The following COL27A1 variants were observed in gnomAD, a reference collection of about 807,000 sequenced individuals.
COL27A1 encodes collagen alpha-1(XXVII) chain.
Under a neutral mutation model 251.3 loss-of-function variants are expected in COL27A1, and 106 were observed. The observed-to-expected ratio is 0.42, with a 90% CI of 0.36 to 0.50. COL27A1 has a LOEUF of 0.50. Among genes scored for constraint, COL27A1 ranks in the 20% least tolerant of loss-of-function variants. COL27A1 has a pLI of 0.00. For missense variants in COL27A1, 2,325 were observed against 2,522.8 expected (o/e 0.92, Z 1.68); for synonymous variants, 1,000 against 986.3 (o/e 1.01, Z -0.26).
In COL27A1 at chr9:114,290,153, C is replaced by CCCCCCCCCCCCCCCCCCCCAA; in HGVS notation, c.4260+42_4260+43insCCCCCCCCCCCCCCCCCCCAA. 6.3e-7 allele frequency: 1 copy of CCCCCCCCCCCCCCCCCCCCAA among 1,581,212 alleles called. No individual in the cohort carries two copies. Among genetic ancestry groups the CCCCCCCCCCCCCCCCCCCCAA allele is most frequent in the Non-Finnish European group, 8.7e-7 (1 of 1,154,956 alleles). On this transcript the variant is annotated intron_variant, in intron 46 of 60. Transcript: ENST00000356083. This position sits in a 1 kb window ranked among gnomAD's most constrained non-coding sequence, Gnocchi z 4.6. ...GCTGTTTCCAGCCAACCTCCCTGCC[C>CCCCCCCCCCCCCCCCCCCCAA]GCCCCCCACACCCGCCCTCCTCCCA...
At position 114,300,116 on chromosome 9, in the gene COL27A1, GACCCA is replaced by G; in HGVS notation, c.4633_4637del (p.Pro1545GlyfsTer44). 1 of 1,614,144 alleles carries G rather than the reference GACCCA, an allele frequency of 6.2e-7. No individual in the cohort carries two copies. The highest frequency in any genetic ancestry group is 1.3e-5 in the African/African-American group (1 of 75,058). Reference sequence around the variant, plus strand: ...TTCCCAGGAATGGCAGGTCTCTTCGGACCCAAGGTATGGACTCCCACGGCTCACTG... The same window carrying G: ...TTCCCAGGAATGGCAGGTCTCTTCGGAGGTATGGACTCCCACGGCTCACTG... On this transcript the variant is annotated frameshift_variant and splice_region_variant, in exon 50 of 61. Coordinates refer to ENST00000356083, the MANE Select transcript of COL27A1 (RefSeq NM_032888.4). LOFTEE classifies it high-confidence loss of function.
chr9:114,298,502 T>G (rs551224328), intron 49 of COL27A1, among the ~76,000 whole-genome samples: 39 of 152,228 alleles, frequency 2.6e-4, no homozygotes, highest in Non-Finnish European at 4.7e-4. Context: ...TACATTTATG[T>G]CTGTTGTTTT....
intron 5 of COL27A1, among the ~76,000 whole-genome samples, chr9:114,183,782 C>T (rs1204097052): frequency 6.6e-6 from 1 of 152,070 alleles, no homozygotes; most frequent in Non-Finnish European, 1.5e-5. Context: ...GAGACAGAGC[C>T]AGGGGGAGGC....
chr9:114,170,907 A>C (rs377281544), intron 3 of COL27A1, among the ~76,000 whole-genome samples: 23 of 152,302 alleles, frequency 1.5e-4, no homozygotes, highest in African/African-American at 5.1e-4. Context: ...CAAAAGGGGA[A>C]TTGCCCCCTC....
chr9:114,247,089 C>T (rs1833193471), intron 24 of COL27A1, among the ~76,000 whole-genome samples: 1 of 151,942 alleles, frequency 6.6e-6, no homozygotes, highest in Non-Finnish European at 1.5e-5. Context: ...TTTATAAATG[C>T]ATAAAATTAA....
At chr9:114,268,710 A>G (rs985179672) in intron 34 of COL27A1, 1 of 152,278 alleles carries the variant, frequency 6.6e-6, no homozygotes, top group African/African-American at 2.4e-5. Flanking sequence ...CTTGAAAGTC[A>G]GATATGTTAA....
At chr9:114,193,751 T>C (rs1259854992) in intron 5 of COL27A1, among the ~76,000 whole-genome samples, 1 of 151,978 alleles carries the variant, frequency 6.6e-6, no homozygotes, top group African/African-American at 2.4e-5. Context: ...TAGAGACCCA[T>C]GAAATGGATA....
chr9:114,240,573 C>A, intron 21 of COL27A1, 86 bp downstream of exon 21: 4 of 1,341,486 alleles, frequency 3.0e-6, no homozygotes, highest in Admixed American at 2.0e-5. Flanking sequence ...AAGGCCTTAG[C>A]TTGGGCTGGA....
chr9:114,199,317 G>A (rs1564458714), intron 7 of COL27A1, among the ~76,000 whole-genome samples: 4 of 152,096 alleles, frequency 2.6e-5, no homozygotes. Context: ...ATTCTGCAGT[G>A]CACGAGATAG....
chr9:114,225,356 C>T (rs1385657939), intron 14 of COL27A1, among the ~76,000 whole-genome samples: 2 of 152,230 alleles, frequency 1.3e-5, no homozygotes, highest in Non-Finnish European at 2.9e-5. Flanking sequence ...ATTTGTTCTG[C>T]CTTGTGGTTC....
rs199949011 is a variant in COL27A1 at position 114,210,939 on chromosome 9, G to A, written c.2323-43G>A. The stretch of plus-strand genomic sequence containing the variant: ...GTTTGGGGCAAGCCTGGCTGTCCCT[G>A]CTGGCATCCTGCCCTGACCTCTCCC... On this transcript the variant is annotated intron_variant, in intron 11 of 60. Coordinates refer to ENST00000356083, the MANE Select transcript of COL27A1 (RefSeq NM_032888.4). The A allele has an allele frequency of 1.1e-5, 17 of 1,610,502 alleles. No individual in the cohort carries two copies. The East Asian group carries it at 3.6e-4, about 34-fold the overall frequency.
chr9:114,257,898 G>C (rs1834042051), intron 27 of COL27A1, among the ~76,000 whole-genome samples: 1 of 152,170 alleles, frequency 6.6e-6, no homozygotes. Flanking sequence ...GAGACCTTTT[G>C]TCATACATGT....
chr9:114,209,522 A>T, intron 10 of COL27A1, 153 bp from the exon 11 acceptor site: 1 of 793,110 alleles, frequency 1.3e-6, no homozygotes. Context: ...CTCAAGGCCT[A>T]TGTCATCGAG....
chr9:114,282,294 A>G lies in COL27A1; in HGVS notation c.3735A>G (p.Ser1245=), dbSNP rs908170703. The part of the protein sequence containing the change: ...VTGVRGPEGK[S]GKQGEKGRTG... ...CTCTTCAGGGTCCTGAAGGAAAATC[A>G]GGGAAGCAAGGCGAGAAGGGCCGCA... Residue 1245 remains serine, a synonymous_variant, in exon 38 of 61, where the codon TCA becomes TCG. Transcript: ENST00000356083. 2.5e-6 allele frequency: 4 copies of G among 1,613,902 alleles called. No homozygotes were observed. Among genetic ancestry groups the G allele is most frequent in the Non-Finnish European group, 8.5e-7 (1 of 1,179,954 alleles).
At position 114,304,687 on chromosome 9, in the gene COL27A1, C is replaced by A; in HGVS notation, c.4938+14C>A. Reference sequence around the variant, plus strand: ...CTCAGGCCAGAGGTATCTCCAGGGGCTCTCCCCATGTGGGATCCCTTCCTG... The same window carrying A: ...CTCAGGCCAGAGGTATCTCCAGGGGATCTCCCCATGTGGGATCCCTTCCTG... On this transcript the variant is annotated intron_variant, in intron 57 of 60. Coordinates refer to ENST00000356083, the MANE Select transcript of COL27A1 (RefSeq NM_032888.4). 6.2e-7 allele frequency: 1 copy of A among 1,611,986 alleles called. No homozygotes were observed. The highest frequency in any genetic ancestry group is 8.5e-7 in the Non-Finnish European group (1 of 1,178,124).
chr9:114,185,814 A>G (rs1346141152), intron 5 of COL27A1, among the ~76,000 whole-genome samples: 2 of 152,246 alleles, frequency 1.3e-5, no homozygotes, highest in Non-Finnish European at 2.9e-5. Flanking sequence ...CCCTGGGGGC[A>G]CGGAACTGGA....
At chr9:114,228,213 C>A (rs1831646759) in intron 14 of COL27A1, among the ~76,000 whole-genome samples, 1 of 152,310 alleles carries the variant, frequency 6.6e-6, no homozygotes, top group Non-Finnish European at 1.5e-5. Context: ...GACCATCCTG[C>A]CTGCACTGAA....
At chr9:114,174,843 C>A (rs1827281205) in intron 3 of COL27A1, among the ~76,000 whole-genome samples, 1 of 152,178 alleles carries the variant, frequency 6.6e-6, no homozygotes, top group Non-Finnish European at 1.5e-5. Context: ...TGTGTGAATT[C>A]TTAGGAATAA....
intron 12 of COL27A1, 25 bp from the exon 13 acceptor site, chr9:114,219,766 G>A (rs1267696370): frequency 1.3e-6 from 2 of 1,574,842 alleles, no homozygotes; most frequent in Admixed American, 3.3e-5. Flanking sequence ...ACCTACAGAT[G>A]TTTGTTCTCT....
Sources: allele counts gnomAD v4.1 joint callset (sites outside exome capture counted in the v4.1 genomes callset), GRCh38; gene constraint gnomAD v4.1.1; non-coding constraint Gnocchi (gnomAD v3.1); transcripts MANE v1.5; gene names NCBI Gene and HGNC (gene_info 2026-07-23, HGNC 2026-07-21).